The following PSMA3 variants were observed in gnomAD, a reference collection of about 807,000 sequenced individuals.
PSMA3 encodes proteasome subunit alpha type-3.
A neutral mutation model predicts 40.0 loss-of-function variants in PSMA3; 8 were observed. The ratio of observed to expected loss-of-function variants is 0.20; its 90% CI spans 0.12 to 0.36. The LOEUF is 0.36. PSMA3 is among the 10% of genes least tolerant of loss of function. PSMA3 has a pLI of 1.00. For missense variants in PSMA3, 219 were observed against 310.6 expected (o/e 0.70, Z 2.22); for synonymous variants, 110 against 100.0 (o/e 1.10, Z -0.59).
At position 58,263,710 on chromosome 14, in the gene PSMA3, T is replaced by C. The variant is rs149394834; in HGVS notation, c.483T>C (p.Tyr161=). The change falls in exon 7 of 11, where the codon TAT becomes TAC. Residue 161 remains tyrosine (Y), a synonymous_variant. Transcript: ENST00000216455. The stretch of plus-strand genomic sequence containing the variant: ...ATATATTTTTTTCTAAATAGGGTTA[T>C]TGGGGCTGTGCCATCGGCAAAGCCA... ...MIDPSGVSYG[Y]WGCAIGKARQ... is the part of the protein sequence containing the mutation. 17 of 1,612,940 alleles carry C rather than the reference T, an allele frequency of 1.1e-5. No individual in the cohort carries two copies. The highest frequency in any genetic ancestry group is 1.6e-4 in the Middle Eastern group (1 of 6,076).
rs564511782 is a variant in PSMA3 at position 58,249,355 on chromosome 14, A to G, written c.104+1523A>G. On this transcript the variant is annotated intron_variant, in intron 2 of 10. Coordinates refer to ENST00000216455, the MANE Select transcript of PSMA3 (RefSeq NM_002788.4). ...TTTCTTATTTTAAAAAAAAATGTTT[A>G]TTTATTTTAAAAAAGAGGCATGGTC... Among the ~76,000 whole-genome samples the G allele has an allele frequency of 3.3e-5, 5 of 152,112 alleles. No individual in the cohort carries two copies. The South Asian group carries it at 6.2e-4, about 19-fold the overall frequency.
At chr14:58,266,892 C>T (rs944270161) in intron 7 of PSMA3, 1 of 152,208 alleles carries the variant, frequency 6.6e-6, no homozygotes, top group African/African-American at 2.4e-5. Flanking sequence ...GTCGTTCAAA[C>T]TTCAGGTCTG....
At chr14:58,257,300 G>A (rs1273122469) in intron 3 of PSMA3, among the ~76,000 whole-genome samples, 7 of 151,864 alleles carry the variant, frequency 4.6e-5, no homozygotes, top group African/African-American at 9.7e-5. Flanking sequence ...GATCAAGACC[G>A]TCCTGGCTGA....
chr14:58,245,044 C>G, intron 1 of PSMA3, 103 bp downstream of exon 1: 3 of 1,490,202 alleles, frequency 2.0e-6, no homozygotes, highest in Non-Finnish European at 2.8e-6. Context: ...TGCTCTGAGA[C>G]CGCCTTCGGC....
At chr14:58,262,934 TGAA>T (rs1282628236) in intron 6 of PSMA3, among the ~76,000 whole-genome samples, 1 of 151,774 alleles carries the variant, frequency 6.6e-6, no homozygotes, top group Non-Finnish European at 1.5e-5. Flanking sequence ...TTGAAGAAAA[TGAA>T]GATTCTTAAA....
chr14:58,254,292 T>C (rs1475425071), intron 3 of PSMA3, among the ~76,000 whole-genome samples: 1 of 74,196 alleles, frequency 1.3e-5, no homozygotes, highest in African/African-American at 4.7e-5. Context: ...TATTCTTTTA[T>C]GTACTAGCAA....
chr14:58,267,369 T>C, intron 7 of PSMA3, 105 bp from the exon 8 acceptor site: 3 of 1,288,758 alleles, frequency 2.3e-6, no homozygotes, highest in Admixed American at 3.5e-5. Flanking sequence ...TTTCAGACTT[T>C]AGGTTATTTT....
At chr14:58,267,222 G>A (rs187431955) in intron 7 of PSMA3, 15 of 379,224 alleles carry the variant, frequency 4.0e-5, no homozygotes, top group Admixed American at 1.8e-4. Context: ...GGCTGGTCTC[G>A]AACTTCTGAC....
intron 5 of PSMA3, among the ~76,000 whole-genome samples, chr14:58,260,059 G>T: frequency 6.6e-6 from 1 of 152,140 alleles, no homozygotes; most frequent in East Asian, 1.9e-4. Flanking sequence ...AAAATATTCC[G>T]CATATAAGAT....
Position 58,254,340 on chromosome 14 carries a change from A to ATATATATATATATATGTATGTATG in PSMA3, c.228+2101_228+2102insATATATATATATGTATGTATGTAT. On this transcript the variant is annotated intron_variant, in intron 3 of 10. Coordinates refer to ENST00000216455, the MANE Select transcript of PSMA3 (RefSeq NM_002788.4). ...TGAAAAAAATTATGCATGCATATATATATGTATGTACACACACACAGAGGT... is the reference window on the plus strand; with the variant it reads ...TGAAAAAAATTATGCATGCATATATATATATATATATATATGTATGTATGTATGTATGTACACACACACAGAGGT... 2.0e-4 allele frequency among the ~76,000 whole-genome samples: 7 copies of ATATATATATATATATGTATGTATG among 34,800 alleles called. 2 individuals carry two copies. The Admixed American group carries it at 2.8e-3, about 14-fold the overall frequency. 22.8% of individuals were successfully genotyped at this position (34,800 alleles called of 152,430 possible). A position where few individuals can be genotyped will look rare whatever the true frequency, so the allele number is the denominator to read the frequency against.
intron 1 of PSMA3, chr14:58,245,165 G>C (rs536186618): frequency 1.0e-5 from 6 of 574,956 alleles, no homozygotes; most frequent in Non-Finnish European, 1.9e-5. Flanking sequence ...AGGTGTAGCC[G>C]GCTTGGCGTC....
rs1025882607 is a variant in PSMA3 at position 58,259,071 on chromosome 14, G to C, written c.404+1073G>C. Among the ~76,000 whole-genome samples the C allele has an allele frequency of 2.0e-5, 3 of 152,264 alleles. No individual in the cohort carries two copies. The South Asian group carries it at 6.2e-4, about 32-fold the overall frequency. ...GCCTCCCAAGTAGCTGGGACCACAG[G>C]CATGGGCCACCATGCCTGGCTAATT... On this transcript the variant is annotated intron_variant, in intron 5 of 10. Coordinates refer to ENST00000216455, the MANE Select transcript of PSMA3 (RefSeq NM_002788.4).
chr14:58,252,861 C>T (rs1257095021), intron 3 of PSMA3, among the ~76,000 whole-genome samples: 1 of 151,402 alleles, frequency 6.6e-6, no homozygotes, highest in Admixed American at 6.6e-5. Flanking sequence ...AACCCTGCCA[C>T]CTGAAAAGGA....
intron 5 of PSMA3, among the ~76,000 whole-genome samples, chr14:58,258,818 T>C (rs1479078049): frequency 2.0e-5 from 3 of 151,478 alleles, no homozygotes; most frequent in Admixed American, 1.3e-4. Flanking sequence ...ATAATACATA[T>C]ACTAACATCT....
At chr14:58,248,804 A>G (rs1889935474) in intron 2 of PSMA3, among the ~76,000 whole-genome samples, 1 of 151,744 alleles carries the variant, frequency 6.6e-6, no homozygotes, top group African/African-American at 2.4e-5. Flanking sequence ...AAAAATAACA[A>G]AATACAAAAA....
intron 10 of PSMA3, among the ~76,000 whole-genome samples, 184 bp from the exon 11 acceptor site, chr14:58,271,667 T>C (rs551407953): frequency 6.6e-6 from 1 of 152,302 alleles, no homozygotes; most frequent in African/African-American, 2.4e-5. Context: ...GATACAGTCA[T>C]TGCATGTTAG....
At chr14:58,266,398 C>T (rs1014726178) in intron 7 of PSMA3, 1 of 152,188 alleles carries the variant, frequency 6.6e-6, no homozygotes, top group African/African-American at 2.4e-5. Flanking sequence ...AACATATCCA[C>T]AGTAGATGAA....
intron 8 of PSMA3, among the ~76,000 whole-genome samples, chr14:58,269,189 C>A (rs1890537228): frequency 6.6e-6 from 1 of 152,044 alleles, no homozygotes; most frequent in African/African-American, 2.4e-5. Context: ...ACCTTGGCCT[C>A]CCAAAGTGCT....
chr14:58,261,700 T>C (rs1049649830), intron 6 of PSMA3, among the ~76,000 whole-genome samples: 1 of 151,506 alleles, frequency 6.6e-6, no homozygotes, highest in Non-Finnish European at 1.5e-5. Context: ...TCTCAACTCC[T>C]GGGCTCAGGC....
Sources: gnomAD v4.1 joint callset for allele counts (sites outside exome capture counted in the v4.1 genomes callset) on GRCh38, gnomAD v4.1.1 for gene constraint, MANE v1.5 for transcripts, NCBI Gene and HGNC (gene_info 2026-07-23, HGNC 2026-07-21) for gene names.